The following NFE2L3 variants were observed in gnomAD, a reference collection of about 807,000 sequenced individuals.
The protein encoded by NFE2L3 is nuclear factor erythroid 2-related factor 3.
In NFE2L3, 18 loss-of-function variants were observed where a neutral mutation model predicts 23.5. The ratio of observed to expected loss-of-function variants is 0.77; its 90% CI spans 0.53 to 1.13. NFE2L3 has a LOEUF of 1.13. Ranked by LOEUF, NFE2L3 falls within the 50% of genes most tolerant of loss-of-function variation. The probability of loss-of-function intolerance (pLI) is 0.00; values close to 1 mark genes in which losing one functional copy is unlikely to be tolerated. For missense variants in NFE2L3, 1,152 were observed against 877.2 expected (o/e 1.31, Z -3.96); for synonymous variants, 424 against 354.5 (o/e 1.20, Z -2.20).
chr7:26,185,952 C>CA lies in NFE2L3; in HGVS notation c.*171dup. ...TTACATGGACAAATGTTTAGGACTT[C>CA]AAGATCACACTTGTGGGCAATCTGG... On this transcript the variant is annotated 3_prime_UTR_variant, in exon 4 of 4. Transcript: ENST00000056233. 1.7e-6 allele frequency: 1 copy of CA among 584,974 alleles called. No individual in the cohort carries two copies. The highest frequency in any genetic ancestry group is 2.8e-6 in the Non-Finnish European group (1 of 351,304). The allele number at this position is 584,974 out of a possible 1,614,324, so 36.2% of individuals were successfully genotyped here. A position where few individuals can be genotyped will look rare whatever the true frequency, so the allele number is the denominator to read the frequency against.
intron 1 of NFE2L3, among the ~76,000 whole-genome samples, chr7:26,161,972 G>A (rs901323480): frequency 2.0e-5 from 3 of 151,794 alleles, no homozygotes; most frequent in Non-Finnish European, 2.9e-5. Context: ...GCAAAACCCC[G>A]TCTCTACTAA....
At chr7:26,184,029 A>C (rs574837535) in intron 3 of NFE2L3, 1 of 500,040 alleles carries the variant, frequency 2.0e-6, no homozygotes, top group African/African-American at 2.0e-5. Context: ...AACTAAAAGA[A>C]TTATCAGGTA....
At chr7:26,177,327 G>A (rs373966458) in intron 1 of NFE2L3, among the ~76,000 whole-genome samples, 3 of 152,354 alleles carry the variant, frequency 2.0e-5, no homozygotes, top group Admixed American at 1.3e-4. Context: ...TTGAGTGAGC[G>A]AGACTCCCTC....
At chr7:26,175,393 AATATT>A (rs775021127) in intron 1 of NFE2L3, among the ~76,000 whole-genome samples, 3 of 151,980 alleles carry the variant, frequency 2.0e-5, no homozygotes, top group Non-Finnish European at 4.4e-5. Flanking sequence ...TTTGTTGTAA[AATATT>A]CACAGTTATA....
chr7:26,176,811 G>A (rs1364797076), intron 1 of NFE2L3, among the ~76,000 whole-genome samples: 2 of 124,242 alleles, frequency 1.6e-5, no homozygotes, highest in African/African-American at 3.1e-5. Flanking sequence ...CCCAGACGGG[G>A]TGGCCAGGCA....
Position 26,183,705 on chromosome 7 carries a change from A to G in NFE2L3, c.755A>G (p.His252Arg), listed in dbSNP as rs201211553. ...ACTTTTTGTGTTTCTCTACAGAGAC[A>G]TCTGAATGGGACAGATACTTCTTTC... is the stretch of plus-strand genomic sequence containing the variant. Reference protein sequence around the residue: ...EKTTESRNERHLNGTDTSFSL... With the variant: ...EKTTESRNERRLNGTDTSFSL... Residue 252 changes from histidine to arginine, a missense_variant, in exon 3 of 4, where the codon CAT becomes CGT. Transcript: ENST00000056233. 5.6e-6 allele frequency: 9 copies of G among 1,608,114 alleles called. No individual in the cohort carries two copies. The Admixed American group carries it at 1.5e-4, about 27-fold the overall frequency.
chr7:26,164,501 GTTGT>G (rs1348396238), intron 1 of NFE2L3, among the ~76,000 whole-genome samples: 41 of 152,162 alleles, frequency 2.7e-4, no homozygotes, highest in South Asian at 1.2e-3. Context: ...TGTTGATGGG[GTTGT>G]TTGTTTTTTT....
intron 1 of NFE2L3, among the ~76,000 whole-genome samples, chr7:26,165,200 C>T (rs1423796046): frequency 6.6e-6 from 1 of 152,150 alleles, no homozygotes; most frequent in Non-Finnish European, 1.5e-5. Flanking sequence ...TCATTGGTAG[C>T]TTGATGGGGA....
In NFE2L3 at chr7:26,152,437, C is replaced by A. The variant is rs1386120259; in HGVS notation, c.-62C>A. 3 of 1,173,170 alleles carry A rather than the reference C, an allele frequency of 2.6e-6. No homozygotes were observed. The highest frequency in any genetic ancestry group is 3.2e-6 in the Non-Finnish European group (3 of 939,182). 72.7% of individuals were successfully genotyped at this position (1,173,170 alleles called of 1,614,324 possible). On this transcript the variant is annotated 5_prime_UTR_variant, in exon 1 of 4. Transcript: ENST00000056233. The surrounding 1 kb of genome is among the most constrained non-coding windows in gnomAD (Gnocchi z 4.4). Reference sequence around the variant, plus strand: ...CGCGCGGGGTCCGCACGTGTCACCCCGGCGGCTGGGGCGCCGGGACCCGCG... The same window carrying A: ...CGCGCGGGGTCCGCACGTGTCACCCAGGCGGCTGGGGCGCCGGGACCCGCG...
rs1022593050 is a variant in NFE2L3 at position 26,177,541 on chromosome 7, G to A, written c.571-402G>A. Among the ~76,000 whole-genome samples, 3 of 152,196 alleles carry A rather than the reference G, an allele frequency of 2.0e-5. 1 individual carries two copies. The highest frequency in any genetic ancestry group is 1.5e-5 in the Non-Finnish European group (1 of 68,000). ...GAGCCCGAGGCAGGGAGGTTGCAGC[G>A]AGCCAAGATCACGGCAGTAGAGTCC... is the stretch of plus-strand genomic sequence containing the variant. On this transcript the variant is annotated intron_variant, in intron 1 of 3. Transcript: ENST00000056233.
intron 1 of NFE2L3, 109 bp downstream of exon 1, chr7:26,153,177 T>C: frequency 8.8e-7 from 1 of 1,138,212 alleles, no homozygotes; most frequent in Non-Finnish European, 1.2e-6. Flanking sequence ...CCTGGCACCC[T>C]TAGCCCCTGG....
At chr7:26,153,108 C>A (rs1246220528) in intron 1 of NFE2L3, 40 bp downstream of exon 1, 2 of 1,491,432 alleles carry the variant, frequency 1.3e-6, no homozygotes, top group Non-Finnish European at 1.8e-6. Context: ...GCGGCGTCTA[C>A]GCCGCCGGGA....
intron 1 of NFE2L3, among the ~76,000 whole-genome samples, chr7:26,165,081 G>A (rs377164252): frequency 8.6e-5 from 13 of 152,042 alleles, no homozygotes; most frequent in South Asian, 2.1e-4. Flanking sequence ...GTCAGGTAGC[G>A]TGATGCCTCC....
chr7:26,172,877 A>G (rs1784347427), intron 1 of NFE2L3, among the ~76,000 whole-genome samples: 1 of 152,228 alleles, frequency 6.6e-6, no homozygotes, highest in Non-Finnish European at 1.5e-5. Flanking sequence ...TGTAATTAAC[A>G]AGTAATCTGC....
In NFE2L3 at chr7:26,175,693, G is replaced by A. The variant is rs956535488; in HGVS notation, c.571-2250G>A. 5.3e-5 allele frequency among the ~76,000 whole-genome samples: 8 copies of A among 151,598 alleles called. 1 individual carries two copies. Among genetic ancestry groups the A allele is most frequent in the African/African-American group, 1.9e-4 (8 of 41,278 alleles). ...ACTGGGGAGGCTGAGGCAGGAGAAT[G>A]GCGTGAACCCGGGAGGCCGAGCTTG... On this transcript the variant is annotated intron_variant, in intron 1 of 3. Transcript: ENST00000056233.
At chr7:26,176,259 T>C (rs1249359757) in intron 1 of NFE2L3, among the ~76,000 whole-genome samples, 1 of 152,192 alleles carries the variant, frequency 6.6e-6, no homozygotes, top group Non-Finnish European at 1.5e-5. Context: ...TGTCTACTTC[T>C]TTCTACACAG....
chr7:26,186,595 A>T lies in NFE2L3; in HGVS notation c.*812A>T, dbSNP rs953638809. On this transcript the variant is annotated 3_prime_UTR_variant, in exon 4 of 4. Coordinates refer to ENST00000056233, the MANE Select transcript of NFE2L3 (RefSeq NM_004289.7). ...AGAGACAGAATGGGCTACTTGCAAA[A>T]ACGTAACTCCTTGTGTGTATATTAA... 1.3e-5 allele frequency: 2 copies of T among 152,204 alleles called. No individual in the cohort carries two copies. Among genetic ancestry groups the T allele is most frequent in the Non-Finnish European group, 2.9e-5 (2 of 68,032 alleles). 9.4% of individuals were successfully genotyped at this position (152,204 alleles called of 1,614,324 possible). A position where few individuals can be genotyped will look rare whatever the true frequency, so the allele number is the denominator to read the frequency against.
At position 26,152,675 on chromosome 7, in the gene NFE2L3, C is replaced by T; in HGVS notation, c.177C>T (p.Leu59=). Residue 59 remains leucine, a synonymous_variant, in exon 1 of 4, where the codon CTC becomes CTT. Transcript: ENST00000056233. The surrounding 1 kb of genome is among the most constrained non-coding windows in gnomAD (Gnocchi z 4.4). ...GCCCGGCCAGCTCCGCCTACGCGCT[C>T]AGCCCCTTCTCGGCCTCGGGAGGGT... is the stretch of plus-strand genomic sequence containing the variant. The part of the protein sequence containing the change: ...LGGPASSAYA[L]SPFSASGGWG... The T allele has an allele frequency of 6.7e-7, 1 of 1,488,862 alleles. No individual in the cohort carries two copies. The highest frequency in any genetic ancestry group is 8.9e-7 in the Non-Finnish European group (1 of 1,126,622). 92.2% of individuals were successfully genotyped at this position (1,488,862 alleles called of 1,614,324 possible). A position where few individuals can be genotyped will look rare whatever the true frequency, so the allele number is the denominator to read the frequency against.
At chr7:26,175,573 C>G (rs777551071) in intron 1 of NFE2L3, among the ~76,000 whole-genome samples, 14 of 151,344 alleles carry the variant, frequency 9.3e-5, no homozygotes, top group Non-Finnish European at 8.9e-5. Flanking sequence ...GTCAGGAGAT[C>G]GAGACCATCC....
Sources: gnomAD v4.1 joint callset for allele counts (sites outside exome capture counted in the v4.1 genomes callset) on GRCh38, gnomAD v4.1.1 for gene constraint, Gnocchi (gnomAD v3.1) non-coding constraint, MANE v1.5 for transcripts, NCBI Gene and HGNC (gene_info 2026-07-23, HGNC 2026-07-21) for gene names.